The following GRIK2 variants were observed in gnomAD, a reference collection of about 807,000 sequenced individuals.
The protein encoded by GRIK2 is glutamate receptor ionotropic, kainate 2.
In GRIK2, 32 loss-of-function variants were observed where a neutral mutation model predicts 100.3. The observed-to-expected ratio is 0.32, with a 90% CI of 0.24 to 0.43. The LOEUF (loss-of-function observed/expected upper bound fraction) is 0.43, where lower values mean the gene tolerates loss of function less well. Ranked by LOEUF, GRIK2 falls within the 20% of genes least tolerant of loss-of-function variation. GRIK2 has a pLI of 1.00. For missense variants in GRIK2, 843 were observed against 1,114.9 expected, an observed-to-expected ratio of 0.76 and a Z score of 3.47; for synonymous variants, 417 against 389.4, an observed-to-expected ratio of 1.07 and a Z score of -0.83.
At chr6:101,816,395 A>G (rs1345833271) in intron 9 of GRIK2, among the ~76,000 whole-genome samples, 1 of 141,570 alleles carries the variant, frequency 7.1e-6, no homozygotes, top group African/African-American at 2.8e-5. Flanking sequence ...AATTTGAAAC[A>G]CTTTGGCCGG....
intron 2 of GRIK2, among the ~76,000 whole-genome samples, chr6:101,461,711 G>C (rs1771316094): frequency 6.6e-6 from 1 of 152,076 alleles, no homozygotes; most frequent in African/African-American, 2.4e-5. Flanking sequence ...TATTTGGGAG[G>C]CCATTTTTCT....
chr6:101,542,089 C>T (rs1467240492), intron 2 of GRIK2, among the ~76,000 whole-genome samples: 1 of 151,964 alleles, frequency 6.6e-6, no homozygotes, highest in Non-Finnish European at 1.5e-5. Flanking sequence ...GTCTTGGATT[C>T]TAAGGTGTTT....
intron 7 of GRIK2, among the ~76,000 whole-genome samples, chr6:101,740,296 G>T (rs1389326793): frequency 6.6e-6 from 1 of 152,070 alleles, no homozygotes; most frequent in Non-Finnish European, 1.5e-5. Flanking sequence ...AAATAGCATT[G>T]TATTTCCTGT....
At chr6:101,806,624 G>A (rs939500138) in intron 9 of GRIK2, among the ~76,000 whole-genome samples, 6 of 139,966 alleles carry the variant, frequency 4.3e-5, no homozygotes, top group African/African-American at 1.6e-4. Flanking sequence ...TACCTACAGA[G>A]GGTTTTTTTT....
chr6:102,046,908 A>G (rs965164321), intron 15 of GRIK2, among the ~76,000 whole-genome samples: 73 of 152,282 alleles, frequency 4.8e-4, no homozygotes, highest in African/African-American at 1.7e-3. Context: ...TAACAAGAGA[A>G]ATCTTGGAAA....
intron 3 of GRIK2, among the ~76,000 whole-genome samples, chr6:101,625,067 G>A (rs1780365754): frequency 7.8e-6 from 1 of 128,186 alleles, no homozygotes; most frequent in Non-Finnish European, 1.6e-5. Flanking sequence ...ATGGCATGAG[G>A]CCATTATTTA....
At chr6:101,408,260 G>T (rs1338162) in intron 2 of GRIK2, among the ~76,000 whole-genome samples, 54,941 of 151,780 alleles carry the variant, frequency 0.36, 10,138 homozygotes, top group African/African-American at 0.44. Context: ...GACACATCTT[G>T]GTCCTTGATC....
chr6:101,706,602 T>C (rs879372083), intron 7 of GRIK2, among the ~76,000 whole-genome samples: 4 of 151,928 alleles, frequency 2.6e-5, no homozygotes, highest in Non-Finnish European at 5.9e-5. Context: ...GAGGTTAGAA[T>C]AGACAGTTTT....
rs368712055 is a variant in GRIK2, at chr6:101,814,908, C to T, written c.1204-3462C>T. Among the ~76,000 whole-genome samples the T allele has an allele frequency of 1.4e-4, 21 of 152,230 alleles. No homozygotes were observed. The East Asian group carries it at 2.3e-3, about 17-fold the overall frequency. Reference sequence around the variant, plus strand: ...TAATTAGTAATTGTCATAATTATAGCATACTTATAAACACACTATGTTGAA... The same window carrying T: ...TAATTAGTAATTGTCATAATTATAGTATACTTATAAACACACTATGTTGAA... On this transcript the variant is annotated intron_variant, in intron 9 of 16. Transcript: ENST00000369134.
At chr6:101,521,178 A>G (rs1262739056) in intron 2 of GRIK2, among the ~76,000 whole-genome samples, 1 of 152,080 alleles carries the variant, frequency 6.6e-6, no homozygotes, top group Non-Finnish European at 1.5e-5. Context: ...TTTCAAAGAT[A>G]AATGTCAATC....
intron 12 of GRIK2, among the ~76,000 whole-genome samples, chr6:101,913,480 T>C (rs189484556): frequency 6.6e-6 from 1 of 151,714 alleles, no homozygotes; most frequent in East Asian, 1.9e-4. Flanking sequence ...AGTATTGTTC[T>C]AATGCTGTAA....
chr6:101,568,946 G>A (rs1427608535), intron 2 of GRIK2, among the ~76,000 whole-genome samples: 1 of 151,922 alleles, frequency 6.6e-6, no homozygotes, highest in Non-Finnish European at 1.5e-5. Flanking sequence ...AACTTGCCTG[G>A]AGTCCTGTGT....
intron 7 of GRIK2, among the ~76,000 whole-genome samples, chr6:101,762,174 C>A (rs535427807): frequency 1.4e-5 from 2 of 138,606 alleles, no homozygotes; most frequent in Admixed American, 1.4e-4. Context: ...CTCTGTCTCT[C>A]TCTCTCTCTC....
intron 2 of GRIK2, among the ~76,000 whole-genome samples, chr6:101,501,019 T>G (rs1773721307): frequency 6.6e-6 from 1 of 152,138 alleles, no homozygotes; most frequent in Non-Finnish European, 1.5e-5. Flanking sequence ...AAATGGGGAT[T>G]ACCACATATC....
intron 14 of GRIK2, among the ~76,000 whole-genome samples, chr6:102,025,476 T>A (rs13200524): frequency 0.27 from 40,945 of 150,922 alleles, 5,941 homozygotes; most frequent in East Asian, 0.34. Context: ...AGGGTAAATA[T>A]TAGAAATTCT....
chr6:101,837,956 T>TCAA (rs1783245329), intron 10 of GRIK2, among the ~76,000 whole-genome samples: 1 of 152,174 alleles, frequency 6.6e-6, no homozygotes, highest in Non-Finnish European at 1.5e-5. Flanking sequence ...GTCTCCGTGG[T>TCAA]ATTAAGAAAG....
Position 101,725,326 on chromosome 6 carries a change from G to A in GRIK2, c.951+38973G>A, listed in dbSNP as rs74381091. ...AAGGCTATGTGATCTTAGTTCTGTG[G>A]GATTCCAAAAATGTTAATTATAGAG... On this transcript the variant is annotated intron_variant, in intron 7 of 16. Coordinates refer to ENST00000369134, the MANE Select transcript of GRIK2 (RefSeq NM_021956.5). Among the ~76,000 whole-genome samples, 583 of 151,966 alleles carry A rather than the reference G, an allele frequency of 3.8e-3. 4 individuals carry two copies. The highest frequency in any genetic ancestry group is 0.014 in the African/African-American group (565 of 41,494).
At chr6:101,477,823 C>G (rs888571854) in intron 2 of GRIK2, among the ~76,000 whole-genome samples, 22 of 152,170 alleles carry the variant, frequency 1.4e-4, no homozygotes, top group African/African-American at 5.3e-4. Context: ...TGATTCCCCT[C>G]TTTACTAGTT....
chr6:102,052,098 A>G (rs568931553), intron 15 of GRIK2, among the ~76,000 whole-genome samples: 36 of 152,284 alleles, frequency 2.4e-4, no homozygotes, highest in African/African-American at 8.2e-4. Flanking sequence ...TTTGGTCTCA[A>G]TGTGTCCTTG....
Sources: allele counts gnomAD v4.1 joint callset (sites outside exome capture counted in the v4.1 genomes callset), GRCh38; gene constraint gnomAD v4.1.1; transcripts MANE v1.5; gene names NCBI Gene and HGNC (gene_info 2026-07-23, HGNC 2026-07-21).